The following TATDN1 variants were observed in gnomAD, a reference collection of about 807,000 sequenced individuals.
TATDN1 encodes the protein TatD DNase domain containing 1.
In TATDN1, 40 loss-of-function variants were observed where a neutral mutation model predicts 46.4. The observed-to-expected ratio is 0.86, with a 90% CI of 0.67 to 1.12. The LOEUF is 1.12. Ranked by LOEUF, TATDN1 falls within the 50% of genes most tolerant of loss-of-function variation. The probability of loss-of-function intolerance (pLI) is 0.00; values close to 1 mark genes in which losing one functional copy is unlikely to be tolerated. For missense variants in TATDN1, 326 were observed against 348.4 expected (o/e 0.94, Z 0.51); for synonymous variants, 95 against 105.6 (o/e 0.90, Z 0.62).
intron 10 of TATDN1, 128 bp downstream of exon 10, chr8:124,495,344 T>C: frequency 2.9e-6 from 2 of 682,576 alleles, no homozygotes; most frequent in East Asian, 2.9e-5. Context: ...GAAAACATAA[T>C]TGTTGAGGTT....
At chr8:124,536,712 T>C (rs1232803239) in intron 1 of TATDN1, among the ~76,000 whole-genome samples, 1 of 152,208 alleles carries the variant, frequency 6.6e-6, no homozygotes, top group Non-Finnish European at 1.5e-5. Context: ...AATTGTCCCA[T>C]GTGAAGCTTG....
chr8:124,537,652 A>G (rs1459767324), intron 1 of TATDN1, among the ~76,000 whole-genome samples: 2 of 152,160 alleles, frequency 1.3e-5, no homozygotes, highest in Non-Finnish European at 2.9e-5. Context: ...CACTTTTAAA[A>G]AGTTATGTGG....
chr8:124,495,598 T>C, intron 9 of TATDN1, 56 bp from the exon 10 acceptor site: 1 of 1,350,622 alleles, frequency 7.4e-7, no homozygotes, highest in Non-Finnish European at 1.0e-6. Flanking sequence ...ATACCTTTTT[T>C]CGTATCACAA....
At chr8:124,502,611 A>G in intron 9 of TATDN1, among the ~76,000 whole-genome samples, 1 of 152,238 alleles carries the variant, frequency 6.6e-6, no homozygotes, top group East Asian at 1.9e-4. Flanking sequence ...CAAGGAATAC[A>G]TGGGATCTAA....
chr8:124,537,632 A>G lies in TATDN1; in HGVS notation c.22+1393T>C, dbSNP rs564574045. ...ACTTGAGGCAGGAATTTGGTTGTAT[A>G]ACATAAACACACTTTTAAAAAGTTA... is the stretch of plus-strand genomic sequence containing the variant. On this transcript the variant is annotated intron_variant, in intron 1 of 11. Transcript: ENST00000276692. 3.3e-5 allele frequency among the ~76,000 whole-genome samples: 5 copies of G among 152,342 alleles called. No homozygotes were observed. The South Asian group carries it at 1.0e-3, about 32-fold the overall frequency.
In TATDN1 at chr8:124,493,913, A is replaced by C. The variant is rs779408756; in HGVS notation, c.711T>G (p.Tyr237Ter). 1 of 1,612,662 alleles carries C rather than the reference A, an allele frequency of 6.2e-7. No homozygotes were observed. The highest frequency in any genetic ancestry group is 1.7e-5 in the Admixed American group (1 of 59,796). Residue 237 changes from tyrosine to a stop codon, truncating the protein, a stop_gained, in exon 11 of 12, where the codon TAT (tyrosine) becomes TAG (stop). Transcript: ENST00000276692. LOFTEE classifies it high-confidence loss of function. Reference protein sequence around the residue: ...GVKSTHAGSKYIRTAFPTKKK... With the variant: ...GVKSTHAGSK ...TTTTGGTAGGAAATGCAGTTCTTAT[A>C]TATTTTGATCCAGCATGTGTACTTT... is the stretch of plus-strand genomic sequence containing the variant.
chr8:124,522,785 G>A (rs1257251865), intron 2 of TATDN1, 152 bp downstream of exon 2: 2 of 698,584 alleles, frequency 2.9e-6, no homozygotes, highest in African/African-American at 3.6e-5. Context: ...GAACTCCTGA[G>A]CTCAGGCAAT....
chr8:124,490,103 G>A (rs1816836600), intron 11 of TATDN1: 1 of 152,180 alleles, frequency 6.6e-6, no homozygotes, highest in Admixed American at 6.5e-5. Flanking sequence ...CCCTCTGTAT[G>A]CACTTCTCAG....
intron 9 of TATDN1, among the ~76,000 whole-genome samples, chr8:124,502,384 C>G (rs1053331347): frequency 1.3e-5 from 2 of 150,020 alleles, no homozygotes; most frequent in African/African-American, 4.9e-5. Context: ...CTTTCATTAA[C>G]TATCCAGGCT....
At chr8:124,524,596 A>G (rs1820324787) in intron 1 of TATDN1, among the ~76,000 whole-genome samples, 1 of 152,172 alleles carries the variant, frequency 6.6e-6, no homozygotes, top group East Asian at 1.9e-4. Flanking sequence ...CTTCTAGACC[A>G]TTTCCCCTTT....
At chr8:124,526,999 T>TAA (rs994900340) in intron 1 of TATDN1, among the ~76,000 whole-genome samples, 1 of 150,862 alleles carries the variant, frequency 6.6e-6, no homozygotes, top group East Asian at 2.0e-4. Flanking sequence ...GGTGTTGACT[T>TAA]AAAATCACGA....
At chr8:124,498,951 CTTTTTTT>C (rs77795578) in intron 9 of TATDN1, among the ~76,000 whole-genome samples, 3 of 132,358 alleles carry the variant, frequency 2.3e-5, no homozygotes, top group African/African-American at 5.6e-5. Flanking sequence ...CGCCTGGCCT[CTTTTTTT>C]TTTTTTTTTT....
intron 2 of TATDN1, among the ~76,000 whole-genome samples, chr8:124,522,670 C>A (rs1820150815): frequency 6.6e-6 from 1 of 152,148 alleles, no homozygotes. Context: ...CCACTTGCCT[C>A]AGCCTCCCAA....
intron 1 of TATDN1, among the ~76,000 whole-genome samples, chr8:124,526,477 A>C (rs1350630801): frequency 1.3e-5 from 2 of 152,248 alleles, no homozygotes; most frequent in Non-Finnish European, 2.9e-5. Context: ...AAAAGCTAAG[A>C]AAGTAAGAGA....
chr8:124,528,398 C>A (rs1241409465), intron 1 of TATDN1, among the ~76,000 whole-genome samples: 2 of 152,190 alleles, frequency 1.3e-5, no homozygotes, highest in Non-Finnish European at 2.9e-5. Context: ...TGGTCTCGAT[C>A]TCCTGACCTT....
chr8:124,537,982 C>A (rs1037878215), intron 1 of TATDN1, among the ~76,000 whole-genome samples: 2 of 152,088 alleles, frequency 1.3e-5, no homozygotes, highest in Admixed American at 6.5e-5. Context: ...ACTCTCAGAT[C>A]TAAATGTATA....
At chr8:124,538,137 T>C (rs1432232020) in intron 1 of TATDN1, among the ~76,000 whole-genome samples, 4 of 152,190 alleles carry the variant, frequency 2.6e-5, no homozygotes, top group Non-Finnish European at 1.5e-5. Flanking sequence ...TTCCATTTCA[T>C]ATTTAAGTAC....
intron 1 of TATDN1, among the ~76,000 whole-genome samples, chr8:124,534,327 C>T (rs553503727): frequency 5.9e-5 from 9 of 152,224 alleles, no homozygotes; most frequent in Admixed American, 5.9e-4. Flanking sequence ...ATTATAAGAA[C>T]TTCAAGTTTC....
At chr8:124,505,631 A>G (rs746096323) in intron 8 of TATDN1, among the ~76,000 whole-genome samples, 5 of 151,918 alleles carry the variant, frequency 3.3e-5, no homozygotes, top group Non-Finnish European at 5.9e-5. Flanking sequence ...CTTCAAAGAT[A>G]TAGGGGTCAA....
Sources: gnomAD v4.1 joint callset for allele counts (sites outside exome capture counted in the v4.1 genomes callset) on GRCh38, gnomAD v4.1.1 for gene constraint, MANE v1.5 for transcripts, NCBI Gene and HGNC (gene_info 2026-07-23, HGNC 2026-07-21) for gene names.